The following MUC4 variants were observed in gnomAD, a reference collection of about 807,000 sequenced individuals.
The protein encoded by MUC4 is mucin 4, cell surface associated.
In MUC4, 202 loss-of-function variants were observed where a neutral mutation model predicts 257.9. That is an observed-to-expected ratio of 0.78 (90% CI 0.70 to 0.88). The LOEUF (loss-of-function observed/expected upper bound fraction) is 0.88. MUC4 is among the 40% of genes least tolerant of loss of function. The pLI is 0.00. For synonymous variants in MUC4, 2,351 were observed against 2,757.1 expected, an observed-to-expected ratio of 0.85 and a Z score of 4.62; for missense variants, 5,976 against 6,513.7, an observed-to-expected ratio of 0.92 and a Z score of 2.84.
intron 20 of MUC4, 133 bp from the exon 21 acceptor site, chr3:195,752,579 GCCCTC>G: frequency 1.4e-6 from 1 of 720,084 alleles, no homozygotes; most frequent in South Asian, 1.6e-5. Context: ...GGGAGAAGTG[GCCCTC>G]ACCCTACATT....
chr3:195,811,676 G>T, intron 1 of MUC4, 60 bp downstream of exon 1: 1 of 1,507,188 alleles, frequency 6.6e-7, no homozygotes, highest in Non-Finnish European at 9.2e-7. Context: ...TTCTCTGACA[G>T]CTCCCACCTC....
chr3:195,751,126 C>T lies in MUC4; in HGVS notation c.15648-14G>A. 1.1e-6 allele frequency: 1 copy of T among 874,668 alleles called. No individual in the cohort carries two copies. Among genetic ancestry groups the T allele is most frequent in the Non-Finnish European group, 1.5e-6 (1 of 681,778 alleles). The allele number at this position is 874,668 out of a possible 1,614,324, so 54.2% of individuals were successfully genotyped here. A position where few individuals can be genotyped will look rare whatever the true frequency, so the allele number is the denominator to read the frequency against. On this transcript the variant is annotated splice_polypyrimidine_tract_variant and intron_variant, in intron 22 of 24. Transcript: ENST00000463781. ...GCTGCAGAATCGCTGTGTGGGAGGG[C>T]AACGGTGAGGGGGGGTGGGGGGCTG...
Position 195,757,888 on chromosome 3 carries a change from G to A in MUC4, c.14987-560C>T, listed in dbSNP as rs73205713. Among the ~76,000 whole-genome samples, 11,980 of 152,330 alleles carry A rather than the reference G, an allele frequency of 0.079. 555 individuals carry two copies. Among genetic ancestry groups the A allele is most frequent in the Middle Eastern group, 0.21 (63 of 294 alleles). ...CCTTAAAACAGCAGATTGAAAGGAAGTGACAGAGAATAGACGAACGTAATT... is the reference window on the plus strand; with the variant it reads ...CCTTAAAACAGCAGATTGAAAGGAAATGACAGAGAATAGACGAACGTAATT... On this transcript the variant is annotated intron_variant, in intron 17 of 24. Transcript: ENST00000463781. The surrounding 1 kb of genome is among the most constrained non-coding windows in gnomAD (Gnocchi z 4.8).
At chr3:195,749,869 T>C (rs1716016554) in intron 23 of MUC4, 1 of 152,302 alleles carries the variant, frequency 6.6e-6, no homozygotes, top group Non-Finnish European at 1.5e-5. Flanking sequence ...TTTTCCTCTT[T>C]TCTTTTTGTT....
rs913507666 is a variant in MUC4 at position 195,791,283 on chromosome 3, T to C, written c.297A>G (p.Ser99=). ...QTDTLTQMMT[S]TLFSSPSVHN... The stretch of plus-strand genomic sequence containing the variant: ...GTACACTTGGGGAAGAAAAAAGAGT[T>C]GATGTCATCATCTGCGTGAGGGTGT... The change falls in exon 2 of 25, where the codon TCA becomes TCG. Residue 99 remains serine, a synonymous_variant. Coordinates refer to ENST00000463781, the MANE Select transcript of MUC4 (RefSeq NM_018406.7). The C allele has an allele frequency of 5.6e-6, 9 of 1,613,336 alleles. No homozygotes were observed. The highest frequency in any genetic ancestry group is 1.3e-5 in the African/African-American group (1 of 74,714).
In MUC4 at chr3:195,799,300, G is replaced by C. The variant is rs1735005894; in HGVS notation, c.83-7803C>G. ...GTGTCCCTGCCCTTATGGAACATTG[G>C]ACATAGCCTTTAAACATTTTTTTTT... On this transcript the variant is annotated intron_variant, in intron 1 of 24. Transcript: ENST00000463781. Among the ~76,000 whole-genome samples, 3 of 150,216 alleles carry C rather than the reference G, an allele frequency of 2.0e-5. No homozygotes were observed. In the South Asian group the frequency reaches 6.4e-4, roughly 32 times the overall value.
intron 3 of MUC4, among the ~76,000 whole-genome samples, chr3:195,777,884 C>CCCATACCTTCCACGG (rs1560289931): frequency 1.9e-5 from 1 of 51,832 alleles, no homozygotes; most frequent in Non-Finnish European, 4.9e-5. Flanking sequence ...ACCTTCCACA[C>CCCATACCTTCCACGG]CCATACCTTC....
At chr3:195,807,899 G>A (rs1035348786) in intron 1 of MUC4, among the ~76,000 whole-genome samples, 2 of 152,140 alleles carry the variant, frequency 1.3e-5, no homozygotes, top group Non-Finnish European at 2.9e-5. Flanking sequence ...GCCTCTGCCA[G>A]GCCAGCCTCT....
In MUC4 at chr3:195,755,201, G is replaced by T. The variant is rs943879728; in HGVS notation, c.15169-829C>A. On this transcript the variant is annotated intron_variant, in intron 18 of 24. Transcript: ENST00000463781. This position sits in a 1 kb window ranked among gnomAD's most constrained non-coding sequence, Gnocchi z 5.0. ...CCACTAATTTTTGTATTTTTCTTCTGCTTTTTTTTTTAATGAGACAGTCTC... is the reference window on the plus strand; with the variant it reads ...CCACTAATTTTTGTATTTTTCTTCTTCTTTTTTTTTTAATGAGACAGTCTC... Among the ~76,000 whole-genome samples the T allele has an allele frequency of 6.6e-6, 1 of 150,554 alleles. No individual in the cohort carries two copies. The highest frequency in any genetic ancestry group is 2.4e-5 in the African/African-American group (1 of 40,854).
chr3:195,806,702 C>G (rs570229822), intron 1 of MUC4, among the ~76,000 whole-genome samples: 2 of 152,278 alleles, frequency 1.3e-5, no homozygotes, highest in Admixed American at 1.3e-4. Context: ...TGGAGATTGC[C>G]GAAAGGCTGT....
intron 1 of MUC4, among the ~76,000 whole-genome samples, chr3:195,801,574 C>T (rs905394605): frequency 3.3e-5 from 5 of 152,062 alleles, no homozygotes; most frequent in African/African-American, 9.7e-5. Flanking sequence ...GTCTGTCATC[C>T]GTCTGTGTCC....
At chr3:195,796,591 T>C (rs1378136826) in intron 1 of MUC4, among the ~76,000 whole-genome samples, 1 of 151,868 alleles carries the variant, frequency 6.6e-6, no homozygotes, top group Non-Finnish European at 1.5e-5. Flanking sequence ...CTCTGGAGGC[T>C]GAGGCAGGAG....
rs1350051273 is a variant in MUC4, at chr3:195,810,367, G to A, written c.82+1369C>T. ...GGCAGGAGCTGAGACTCTAACCCCA[G>A]CTTGAACTCTGGACCCCAGACTCTC... On this transcript the variant is annotated intron_variant, in intron 1 of 24. Transcript: ENST00000463781. This position sits in a 1 kb window ranked among gnomAD's most constrained non-coding sequence, Gnocchi z 4.2. The A allele has an allele frequency of 6.6e-6, 1 of 152,340 alleles. No homozygotes were observed. Among genetic ancestry groups the A allele is most frequent in the African/African-American group, 2.4e-5 (1 of 41,448 alleles). 9.4% of individuals were successfully genotyped at this position (152,340 alleles called of 1,614,324 possible).
At chr3:195,748,039 C>T (rs1715463351) in intron 24 of MUC4, among the ~76,000 whole-genome samples, 1 of 152,228 alleles carries the variant, frequency 6.6e-6, no homozygotes, top group Non-Finnish European at 1.5e-5. Flanking sequence ...TCCGCCCGCC[C>T]CCTCCTTCGG....
At position 195,811,800 on chromosome 3, in the gene MUC4, C is replaced by T. The variant is rs368886543; in HGVS notation, c.18G>A (p.Trp6Ter). 1.2e-6 allele frequency: 2 copies of T among 1,613,806 alleles called. No homozygotes were observed. The highest frequency in any genetic ancestry group is 1.7e-6 in the Non-Finnish European group (2 of 1,179,950). MKGAR[W>*]RRVPWVSLSC... The stretch of plus-strand genomic sequence containing the variant: ...TCAGGGACACCCAGGGGACCCTCCT[C>T]CAGCGTGCCCCCTTCATGGCTGCGG... Residue 6 changes from tryptophan to a stop codon, truncating the protein, a stop_gained, in exon 1 of 25, where the codon TGG becomes TGA. Transcript: ENST00000463781. LOFTEE classifies it high-confidence loss of function.
In MUC4 at chr3:195,779,090, T is replaced by C. The variant is rs1412146119; in HGVS notation, c.12490A>G (p.Thr4164Ala). The C allele has an allele frequency of 2.0e-6, 3 of 1,494,640 alleles. 1 individual carries two copies. The African/African-American group carries it at 4.8e-5, about 24-fold the overall frequency. 92.6% of individuals were successfully genotyped at this position (1,494,640 alleles called of 1,614,324 possible). Residue 4164 changes from threonine to alanine, a missense_variant, in exon 2 of 25, where the codon ACC (threonine) becomes GCC (alanine). By Grantham distance (58) the Thr-to-Ala change is moderately conservative (BLOSUM62 0). Around this residue, in one of 44 missense-constraint regions of MUC4, gnomAD observed 293 missense variants for 294.5 expected, o/e 1.00. Coordinates refer to ENST00000463781, the MANE Select transcript of MUC4 (RefSeq NM_018406.7). Reference sequence around the variant, plus strand: ...CCTGTGGACACTGAGGAAGCGTCGGTGACAGGAAGAGAGGTGGTGTGACCT... The same window carrying C: ...CCTGTGGACACTGAGGAAGCGTCGGCGACAGGAAGAGAGGTGGTGTGACCT... ...SSGHTTSLPV[T>A]DASSVSTGHG... is the part of the protein sequence containing the mutation.
At chr3:195,792,240 C>T (rs965852726) in intron 1 of MUC4, among the ~76,000 whole-genome samples, 1 of 152,126 alleles carries the variant, frequency 6.6e-6, no homozygotes, top group African/African-American at 2.4e-5. Flanking sequence ...AACCATCTGA[C>T]AGAGGTCTAA....
At position 195,790,227 on chromosome 3, in the gene MUC4, G is replaced by A. The variant is rs371775108; in HGVS notation, c.1353C>T (p.Phe451=). The A allele has an allele frequency of 6.2e-7, 1 of 1,613,908 alleles. No individual in the cohort carries two copies. The highest frequency in any genetic ancestry group is 1.3e-5 in the African/African-American group (1 of 74,924). ...SSLPPKISTA[F]HTQQSEGAET... Reference sequence around the variant, plus strand: ...CTGCACCTTCACTCTGCTGGGTGTGGAAAGCTGTGGATATTTTTGGAGGTA... The same window carrying A: ...CTGCACCTTCACTCTGCTGGGTGTGAAAAGCTGTGGATATTTTTGGAGGTA... Residue 451 remains phenylalanine (F), a synonymous_variant, in exon 2 of 25, where the codon TTC becomes TTT. Coordinates refer to ENST00000463781, the MANE Select transcript of MUC4 (RefSeq NM_018406.7).
At chr3:195,778,735 G>A in intron 2 of MUC4, 55 bp downstream of exon 2, 2 of 1,520,174 alleles carry the variant, frequency 1.3e-6, no homozygotes, top group South Asian at 2.5e-5. Context: ...TCCTTAGGCT[G>A]AATTCCGCCA....
Sources: gnomAD v4.1 joint callset for allele counts (sites outside exome capture counted in the v4.1 genomes callset) on GRCh38, gnomAD v4.1.1 for gene constraint, gnomAD v4.1.1 regional missense constraint, Gnocchi (gnomAD v3.1) non-coding constraint, MANE v1.5 for transcripts, NCBI Gene and HGNC (gene_info 2026-07-23, HGNC 2026-07-21) for gene names.